The following HMGCLL1 variants were observed in gnomAD, a reference collection of about 807,000 sequenced individuals.
The protein encoded by HMGCLL1 is 3-hydroxymethyl-3-methylglutaryl-CoA lyase, cytoplasmic.
A neutral mutation model predicts 39.1 loss-of-function variants in HMGCLL1; 36 were observed. That is an observed-to-expected ratio of 0.92 (90% confidence interval 0.71 to 1.22). The LOEUF is 1.22. Among genes scored for constraint, HMGCLL1 ranks in the 50% most tolerant of loss-of-function variants. The pLI, the probability that HMGCLL1 is intolerant of heterozygous loss-of-function variation, is 0.00. For missense variants in HMGCLL1, 451 were observed against 416.5 expected (o/e 1.08, Z -0.72); for synonymous variants, 149 against 144.0 (o/e 1.03, Z -0.25).
chr6:55,480,977 C>A (rs921966503), intron 7 of HMGCLL1, among the ~76,000 whole-genome samples: 1 of 151,658 alleles, frequency 6.6e-6, no homozygotes, highest in Non-Finnish European at 1.5e-5. Context: ...TTACCAGAGG[C>A]TAGGAAGGGT....
the HMGCLL1 span, among the ~76,000 whole-genome samples, chr6:55,656,831 G>A: frequency 0.017 from 2,609 of 151,958 alleles, 40 homozygotes; most frequent in Middle Eastern, 0.031. Context: ...AGGACTAGAG[G>A]GCAATGAGTG....
chr6:55,666,069 C>T, the HMGCLL1 span, among the ~76,000 whole-genome samples: 22 of 151,640 alleles, frequency 1.5e-4, no homozygotes, highest in African/African-American at 5.1e-4. Context: ...GGAAAGGAAT[C>T]CCTACGCTCA....
chr6:55,451,306 C>A (rs554821282), intron 7 of HMGCLL1, among the ~76,000 whole-genome samples: 1 of 152,176 alleles, frequency 6.6e-6, no homozygotes, highest in African/African-American at 2.4e-5. Flanking sequence ...TAGTTCTTAA[C>A]AAAGAACTTT....
the HMGCLL1 span, among the ~76,000 whole-genome samples, chr6:55,626,423 T>C: frequency 6.6e-6 from 1 of 152,120 alleles, no homozygotes; most frequent in Non-Finnish European, 1.5e-5. Context: ...CTGAAGTAGC[T>C]GGATTGATAG....
At chr6:55,508,729 T>G (rs1767290892) in intron 5 of HMGCLL1, among the ~76,000 whole-genome samples, 1 of 151,876 alleles carries the variant, frequency 6.6e-6, no homozygotes, top group Admixed American at 6.6e-5. Context: ...AATTTTAAAT[T>G]ATTGTAAGTG....
rs200883858 is a variant in HMGCLL1, at chr6:55,542,130, T to A, written c.119A>T (p.Gln40Leu). Residue 40 changes from glutamine (Q) to leucine (L), a missense_variant, in exon 2 of 9, where the codon CAG becomes CTG. Gln to Leu is a moderately radical substitution (Grantham distance 113). Transcript: ENST00000274901. ...GALDPAQETS[Q>L]LSGLPEFVKI... ...AACAAACTCAGGGAGTCCAGATAACTGGGATGTTTCCTGAAATGCAAAATG... is the reference window on the plus strand; with the variant it reads ...AACAAACTCAGGGAGTCCAGATAACAGGGATGTTTCCTGAAATGCAAAATG... The A allele has an allele frequency of 6.2e-7, 1 of 1,605,806 alleles. No homozygotes were observed. The highest frequency in any genetic ancestry group is 8.5e-7 in the Non-Finnish European group (1 of 1,174,214).
At chr6:55,571,291 T>C (rs1771476551) in intron 1 of HMGCLL1, among the ~76,000 whole-genome samples, 1 of 152,234 alleles carries the variant, frequency 6.6e-6, no homozygotes, top group Admixed American at 6.5e-5. Context: ...AATGGTAATA[T>C]GCCTGGTACA....
the HMGCLL1 span, among the ~76,000 whole-genome samples, chr6:55,602,788 T>C: frequency 2.6e-5 from 4 of 152,066 alleles, no homozygotes; most frequent in Non-Finnish European, 5.9e-5. Context: ...CATCAGCTAA[T>C]GTCTAAACTG....
At chr6:55,492,459 A>T (rs1766364893) in intron 7 of HMGCLL1, among the ~76,000 whole-genome samples, 1 of 152,354 alleles carries the variant, frequency 6.6e-6, no homozygotes, top group South Asian at 2.1e-4. Flanking sequence ...TTGCAGTGAC[A>T]TTCCAGTACC....
the HMGCLL1 span, among the ~76,000 whole-genome samples, chr6:55,619,916 C>T: frequency 6.6e-6 from 1 of 152,054 alleles, no homozygotes; most frequent in African/African-American, 2.4e-5. Flanking sequence ...TTTTTAGTTC[C>T]CACAAATATT....
At chr6:55,673,371 G>A in the HMGCLL1 span, among the ~76,000 whole-genome samples, 8 of 151,852 alleles carry the variant, frequency 5.3e-5, no homozygotes, top group East Asian at 1.6e-3. Flanking sequence ...TATTTTATAT[G>A]GTGATCATGC....
At chr6:55,462,367 G>A (rs1023579507) in intron 7 of HMGCLL1, among the ~76,000 whole-genome samples, 7 of 152,042 alleles carry the variant, frequency 4.6e-5, no homozygotes, top group Admixed American at 2.6e-4. Context: ...TCTTCAGTCC[G>A]TGGGTTTGTT....
the HMGCLL1 span, among the ~76,000 whole-genome samples, chr6:55,650,760 T>A: frequency 6.6e-6 from 1 of 152,042 alleles, no homozygotes; most frequent in Non-Finnish European, 1.5e-5. Context: ...CTATACAAAG[T>A]TTTCCTTGCT....
the HMGCLL1 span, among the ~76,000 whole-genome samples, chr6:55,588,589 C>T: frequency 6.6e-6 from 1 of 151,776 alleles, no homozygotes; most frequent in East Asian, 1.9e-4. Context: ...ACACAAAAAA[C>T]CCTTTAAAAA....
At chr6:55,552,499 C>T (rs1333583688) in intron 1 of HMGCLL1, among the ~76,000 whole-genome samples, 1 of 151,974 alleles carries the variant, frequency 6.6e-6, no homozygotes, top group Non-Finnish European at 1.5e-5. Flanking sequence ...AATTCTATTA[C>T]CACTCTGTAC....
chr6:55,524,472 A>AAAAAAC (rs1561936420), intron 3 of HMGCLL1, among the ~76,000 whole-genome samples: 1 of 150,786 alleles, frequency 6.6e-6, no homozygotes, highest in Non-Finnish European at 1.5e-5. Flanking sequence ...TTAAAAAAAA[A>AAAAAAC]AAAAAAACGG....
intron 3 of HMGCLL1, among the ~76,000 whole-genome samples, chr6:55,528,012 C>T (rs558667394): frequency 6.6e-6 from 1 of 152,122 alleles, no homozygotes; most frequent in Admixed American, 6.6e-5. Context: ...ACTCATGGAC[C>T]TATAAGCCCT....
chr6:55,476,792 A>T (rs1444795272), intron 7 of HMGCLL1, among the ~76,000 whole-genome samples: 1 of 151,406 alleles, frequency 6.6e-6, no homozygotes, highest in Non-Finnish European at 1.5e-5. Flanking sequence ...AGTGAAATAG[A>T]TTTGGCTAGG....
chr6:55,621,520 G>A, the HMGCLL1 span, among the ~76,000 whole-genome samples: 3 of 151,742 alleles, frequency 2.0e-5, no homozygotes, highest in African/African-American at 7.3e-5. Context: ...ACCCTACTGT[G>A]ACCTGCCCAT....
Sources: gnomAD v4.1 joint callset for allele counts (sites outside exome capture counted in the v4.1 genomes callset) on GRCh38, gnomAD v4.1.1 for gene constraint, MANE v1.5 for transcripts, NCBI Gene and HGNC (gene_info 2026-07-23, HGNC 2026-07-21) for gene names.